The following DACH1 variants were observed in gnomAD, a reference collection of about 807,000 sequenced individuals.
DACH1 encodes dachshund family transcription factor 1.
Under a neutral mutation model 54.2 loss-of-function variants are expected in DACH1, and 12 were observed. The observed-to-expected ratio is 0.22, with a 90% confidence interval of 0.14 to 0.36. The LOEUF (loss-of-function observed/expected upper bound fraction) is 0.36, where lower values mean the gene tolerates loss of function less well. Among genes scored for constraint, DACH1 ranks in the 10% least tolerant of loss-of-function variants. The pLI is 1.00. For missense variants in DACH1, 805 were observed against 929.8 expected (o/e 0.87, Z 1.75); for synonymous variants, 386 against 366.2 (o/e 1.05, Z -0.62).
chr13:71,577,465 G>A (rs1328811109), intron 3 of DACH1, among the ~76,000 whole-genome samples: 1 of 152,186 alleles, frequency 6.6e-6, no homozygotes, highest in Non-Finnish European at 1.5e-5. Context: ...TCATAAATGA[G>A]TGTGGTCCAT....
intron 3 of DACH1, 130 bp from the exon 4 acceptor site, chr13:71,573,142 A>G: frequency 1.1e-6 from 1 of 889,316 alleles, no homozygotes; most frequent in Non-Finnish European, 1.7e-6. Context: ...CAAAAATTTC[A>G]CTTACTACTC....
chr13:71,444,074 ATTAC>A (rs1190506852), intron 10 of DACH1, among the ~76,000 whole-genome samples: 1 of 152,140 alleles, frequency 6.6e-6, no homozygotes, highest in Non-Finnish European at 1.5e-5. Context: ...AGGAGTTTCA[ATTAC>A]TTATTTAGTA....
At chr13:71,611,428 T>C (rs1201518766) in intron 3 of DACH1, among the ~76,000 whole-genome samples, 1 of 152,300 alleles carries the variant, frequency 6.6e-6, no homozygotes, top group East Asian at 1.9e-4. Context: ...GAAGAATAAG[T>C]GTTAAGGCTT....
intron 3 of DACH1, among the ~76,000 whole-genome samples, chr13:71,604,829 G>T (rs1292511750): frequency 1.3e-5 from 2 of 151,578 alleles, no homozygotes; most frequent in African/African-American, 4.8e-5. Flanking sequence ...CAAAACAAAG[G>T]GACTTTCAAA....
intron 1 of DACH1, among the ~76,000 whole-genome samples, chr13:71,834,052 G>A (rs1888687547): frequency 6.6e-6 from 1 of 151,886 alleles, no homozygotes; most frequent in African/African-American, 2.4e-5. Flanking sequence ...TAACAAATAC[G>A]TCAAATGTTC....
intron 1 of DACH1, among the ~76,000 whole-genome samples, chr13:71,804,538 C>T (rs116037855): frequency 0.016 from 2,404 of 152,186 alleles, 25 homozygotes; most frequent in African/African-American, 0.017. Flanking sequence ...CTTTGCTTAC[C>T]GTATTTAGGC....
chr13:71,766,459 A>T (rs1885632401), intron 1 of DACH1, among the ~76,000 whole-genome samples: 1 of 152,146 alleles, frequency 6.6e-6, no homozygotes, highest in African/African-American at 2.4e-5. Context: ...GCAAAACTAA[A>T]TTATATATAG....
intron 3 of DACH1, chr13:71,573,435 C>T: frequency 1.4e-6 from 1 of 716,554 alleles, no homozygotes; most frequent in South Asian, 1.5e-5. Context: ...CAGAAGGTGG[C>T]TCTGCTGAAG....
At chr13:71,762,409 A>G (rs1231317457) in intron 1 of DACH1, among the ~76,000 whole-genome samples, 4 of 152,172 alleles carry the variant, frequency 2.6e-5, no homozygotes, top group African/African-American at 9.7e-5. Context: ...AATGTCACAT[A>G]TGAGTAAGTG....
At chr13:71,473,178 A>C (rs1046780299) in intron 10 of DACH1, among the ~76,000 whole-genome samples, 1 of 152,254 alleles carries the variant, frequency 6.6e-6, no homozygotes, top group Non-Finnish European at 1.5e-5. Context: ...ACAACTGTAC[A>C]TTTTGACCAG....
chr13:71,534,885 T>G (rs902064418), intron 6 of DACH1, among the ~76,000 whole-genome samples: 1 of 151,758 alleles, frequency 6.6e-6, no homozygotes. Context: ...ATTTTGTCCT[T>G]GTTTATAAGA....
intron 4 of DACH1, among the ~76,000 whole-genome samples, chr13:71,568,055 T>C (rs1311156114): frequency 6.6e-6 from 1 of 152,006 alleles, no homozygotes; most frequent in African/African-American, 2.4e-5. Context: ...TCGTTTAACG[T>C]AATAAAGGAA....
chr13:71,529,041 T>C (rs1332074268), intron 6 of DACH1, among the ~76,000 whole-genome samples: 2 of 152,092 alleles, frequency 1.3e-5, no homozygotes. Context: ...TAGAAATGTA[T>C]ATATTTACCA....
chr13:71,616,641 C>T (rs1016975542), intron 3 of DACH1, among the ~76,000 whole-genome samples: 1 of 152,030 alleles, frequency 6.6e-6, no homozygotes, highest in African/African-American at 2.4e-5. Context: ...GAGGCTGAGG[C>T]AGGAGGATCA....
At chr13:71,746,846 G>A (rs1463330308) in intron 1 of DACH1, among the ~76,000 whole-genome samples, 2 of 152,042 alleles carry the variant, frequency 1.3e-5, no homozygotes, top group African/African-American at 2.4e-5. Context: ...CTTAGTGAAT[G>A]TATTTATTTT....
chr13:71,846,670 T>C (rs1873300961), intron 1 of DACH1, among the ~76,000 whole-genome samples: 2 of 152,206 alleles, frequency 1.3e-5, no homozygotes, highest in Admixed American at 6.5e-5. Flanking sequence ...GGTTAAGTAC[T>C]ATTTGAATAG....
At chr13:71,668,851 G>A (rs191810867) in intron 2 of DACH1, among the ~76,000 whole-genome samples, 4 of 152,106 alleles carry the variant, frequency 2.6e-5, no homozygotes, top group African/African-American at 4.8e-5. Context: ...CTTGAACCCA[G>A]GAGGCAGAGG....
Position 71,630,574 on chromosome 13 carries a change from C to A in DACH1, c.1108G>T (p.Asp370Tyr). The change falls in exon 3 of 11, where the codon GAC becomes TAC. Residue 370 changes from aspartate to tyrosine, a missense_variant. Coordinates refer to ENST00000613252, the MANE Select transcript of DACH1 (RefSeq NM_080759.6). The part of the protein sequence containing the change: ...NQHGADSENG[D>Y]MNSSVGLELP... ...AACTTACCGACACTTGAATTCATGT[C>A]CCCGTTTTCAGAGTCTGCTCCATGT... 6.3e-7 allele frequency: 1 copy of A among 1,590,188 alleles called. No individual in the cohort carries two copies. The highest frequency in any genetic ancestry group is 8.5e-7 in the Non-Finnish European group (1 of 1,173,326).
intron 1 of DACH1, among the ~76,000 whole-genome samples, chr13:71,728,882 T>C (rs1252455162): frequency 6.6e-6 from 1 of 152,086 alleles, no homozygotes; most frequent in Non-Finnish European, 1.5e-5. Context: ...ATTTCTTCAA[T>C]ACAAACCACC....
Sources: allele counts gnomAD v4.1 joint callset (sites outside exome capture counted in the v4.1 genomes callset), GRCh38; gene constraint gnomAD v4.1.1; transcripts MANE v1.5; gene names NCBI Gene and HGNC (gene_info 2026-07-23, HGNC 2026-07-21).